Variants in NEGR1 observed in about 807,000 individuals in gnomAD.
NEGR1 encodes IgLON family member 4.
NEGR1 carries 10 observed loss-of-function variants against 40.9 expected under a neutral mutation model. That is an observed-to-expected ratio of 0.24 (90% CI 0.15 to 0.42). The LOEUF (loss-of-function observed/expected upper bound fraction) is 0.42. Ranked by LOEUF, NEGR1 falls within the 10% of genes least tolerant of loss-of-function variation. The pLI, the probability that NEGR1 is intolerant of heterozygous loss-of-function variation, is 1.00. For missense variants in NEGR1, 352 were observed against 438.9 expected (o/e 0.80, Z 1.77); for synonymous variants, 185 against 166.8 (o/e 1.11, Z -0.84).
chr1:71,453,676 G>T lies in NEGR1; in HGVS notation c.941-46106C>A, dbSNP rs562215118. 1.4e-4 allele frequency among the ~76,000 whole-genome samples: 21 copies of T among 152,254 alleles called. 1 individual carries two copies. The South Asian group carries it at 4.4e-3, about 32-fold the overall frequency. On this transcript the variant is annotated intron_variant, in intron 6 of 6. Coordinates refer to ENST00000357731, the MANE Select transcript of NEGR1 (RefSeq NM_173808.3). ...CTTTTTCAATAAGATGTAGGGAAAA[G>T]AAATACAAGCAAGTGCTATTGCCCT...
At chr1:72,017,005 A>G (rs1646716362) in intron 1 of NEGR1, among the ~76,000 whole-genome samples, 1 of 152,142 alleles carries the variant, frequency 6.6e-6, no homozygotes, top group African/African-American at 2.4e-5. Flanking sequence ...CTTCACAGTC[A>G]TTTTAATTTT....
At chr1:72,209,654 A>G (rs1653528950) in intron 1 of NEGR1, among the ~76,000 whole-genome samples, 1 of 151,894 alleles carries the variant, frequency 6.6e-6, no homozygotes, top group South Asian at 2.1e-4. Flanking sequence ...ATATGTGTAC[A>G]TTTAAAAATC....
At chr1:71,840,079 C>T (rs11209853) in intron 2 of NEGR1, among the ~76,000 whole-genome samples, 40,736 of 151,910 alleles carry the variant, frequency 0.27, 5,926 homozygotes, top group East Asian at 0.55. Flanking sequence ...ATCTCCAGAG[C>T]GGATTTCTCT....
At chr1:71,430,259 T>C (rs772871921) in intron 6 of NEGR1, among the ~76,000 whole-genome samples, 1 of 152,170 alleles carries the variant, frequency 6.6e-6, no homozygotes, top group Non-Finnish European at 1.5e-5. Flanking sequence ...CTTGGCTCTA[T>C]GGTCTCATTT....
intron 2 of NEGR1, among the ~76,000 whole-genome samples, chr1:71,804,667 G>C (rs1250978066): frequency 6.6e-6 from 1 of 152,150 alleles, no homozygotes; most frequent in African/African-American, 2.4e-5. Context: ...GATTTCCTAT[G>C]CCTGTCTTTA....
chr1:72,282,241 TAAAGAAGGC>T, intron 1 of NEGR1, 69 bp downstream of exon 1: 1 of 1,509,780 alleles, frequency 6.6e-7, no homozygotes. Flanking sequence ...GCTTGTGTTA[TAAAGAAGGC>T]AAAGAGGGTT....
chr1:71,600,797 T>C (rs1649892152), intron 5 of NEGR1, among the ~76,000 whole-genome samples: 1 of 152,194 alleles, frequency 6.6e-6, no homozygotes, highest in South Asian at 2.1e-4. Flanking sequence ...GCTTCATACA[T>C]AAAGTGTAAG....
At chr1:71,896,153 T>A (rs1385271340) in intron 2 of NEGR1, among the ~76,000 whole-genome samples, 1 of 148,972 alleles carries the variant, frequency 6.7e-6, no homozygotes, top group African/African-American at 2.5e-5. Context: ...TTCTCCTGCC[T>A]CAGCCTCTGG....
intron 6 of NEGR1, among the ~76,000 whole-genome samples, chr1:71,433,138 G>T (rs575859439): frequency 6.6e-6 from 1 of 152,268 alleles, no homozygotes; most frequent in South Asian, 2.1e-4. Flanking sequence ...GCCATGTGAG[G>T]ATACGGCAAG....
intron 1 of NEGR1, among the ~76,000 whole-genome samples, chr1:72,201,680 G>A (rs1361453738): frequency 6.6e-6 from 1 of 151,746 alleles, no homozygotes; most frequent in Non-Finnish European, 1.5e-5. Context: ...GGTGGGGGGG[G>A]TGGAAGTGTC....
At chr1:71,790,727 T>A (rs1336610403) in intron 2 of NEGR1, among the ~76,000 whole-genome samples, 2 of 152,100 alleles carry the variant, frequency 1.3e-5, no homozygotes, top group African/African-American at 4.8e-5. Flanking sequence ...GGAAGACCAG[T>A]GGGATTAGAA....
intron 4 of NEGR1, among the ~76,000 whole-genome samples, chr1:71,677,834 T>A (rs562020415): frequency 6.6e-6 from 1 of 152,284 alleles, no homozygotes; most frequent in South Asian, 2.1e-4. Flanking sequence ...CTTGTTAATC[T>A]GAGACTCGAG....
intron 4 of NEGR1, 49 bp from the exon 5 acceptor site, chr1:71,611,195 C>A (rs760362193): frequency 5.8e-6 from 9 of 1,545,578 alleles, no homozygotes; most frequent in East Asian, 2.3e-5. Context: ...TAAAAATAAT[C>A]CTCAACAGAA....
At chr1:72,217,165 T>C (rs1653848454) in intron 1 of NEGR1, among the ~76,000 whole-genome samples, 1 of 151,910 alleles carries the variant, frequency 6.6e-6, no homozygotes, top group Admixed American at 6.6e-5. Context: ...TTAGGCACCA[T>C]GGAATTGAGT....
chr1:72,246,261 C>T (rs1216363251), intron 1 of NEGR1, among the ~76,000 whole-genome samples: 2 of 152,138 alleles, frequency 1.3e-5, no homozygotes, highest in South Asian at 2.1e-4. Context: ...TCCAAATTAT[C>T]GCCATTTATA....
At chr1:71,867,121 G>C (rs1442863903) in intron 2 of NEGR1, among the ~76,000 whole-genome samples, 2 of 152,218 alleles carry the variant, frequency 1.3e-5, no homozygotes, top group African/African-American at 4.8e-5. Flanking sequence ...GGGAGGCTGA[G>C]GTGGGCGGAT....
chr1:71,711,354 A>AAG (rs1435587092), intron 3 of NEGR1, among the ~76,000 whole-genome samples: 1 of 150,308 alleles, frequency 6.7e-6, no homozygotes, highest in Non-Finnish European at 1.5e-5. Flanking sequence ...AAAAAAAAAA[A>AAG]AAAAAAAAAG....
At chr1:71,872,144 T>G (rs1277752697) in intron 2 of NEGR1, among the ~76,000 whole-genome samples, 1 of 152,196 alleles carries the variant, frequency 6.6e-6, no homozygotes, top group Non-Finnish European at 1.5e-5. Flanking sequence ...AGTTTCTAAA[T>G]TAACCTTATG....
chr1:71,632,737 C>T (rs548113162), intron 4 of NEGR1, among the ~76,000 whole-genome samples: 13 of 151,976 alleles, frequency 8.6e-5, no homozygotes, highest in African/African-American at 3.1e-4. Context: ...TACTGTACAT[C>T]TGTTATGCCT....
Sources: allele counts gnomAD v4.1 joint callset (sites outside exome capture counted in the v4.1 genomes callset), GRCh38; gene constraint gnomAD v4.1.1; transcripts MANE v1.5; gene names NCBI Gene and HGNC (gene_info 2026-07-23, HGNC 2026-07-21).